KCNQ1: variants seen among roughly 807,000 people sequenced by gnomAD.
KCNQ1 encodes potassium voltage-gated channel subfamily Q member 1.
Under a neutral mutation model 72.4 loss-of-function variants are expected in KCNQ1, and 49 were observed. The ratio of observed to expected loss-of-function variants is 0.68; its 90% CI spans 0.54 to 0.86. The LOEUF (loss-of-function observed/expected upper bound fraction) is 0.86. Ranked by LOEUF, KCNQ1 falls within the 40% of genes least tolerant of loss-of-function variation. The pLI, the probability that KCNQ1 is intolerant of heterozygous loss-of-function variation, is 0.00. For missense variants in KCNQ1, 790 were observed against 945.1 expected (o/e 0.84, Z 2.15); for synonymous variants, 450 against 412.6 (o/e 1.09, Z -1.10).
intron 1 of KCNQ1, among the ~76,000 whole-genome samples, chr11:2,489,425 C>T (rs539532658): frequency 1.3e-4 from 20 of 152,172 alleles, no homozygotes; most frequent in East Asian, 3.9e-4. Context: ...CTTGCCACCA[C>T]GGGCTAAAGT....
At position 2,652,437 on chromosome 11, in the gene KCNQ1, CT is replaced by C. The variant is rs1849772015; in HGVS notation, c.1394-9518del. ...AATTTTGTCTTGAAAATCAAGGCCA[CT>C]TTTTTGTTTTCTCCATCCAAAGACC... is the stretch of plus-strand genomic sequence containing the variant. On this transcript the variant is annotated intron_variant, in intron 10 of 15. Coordinates refer to ENST00000155840, the MANE Select transcript of KCNQ1 (RefSeq NM_000218.3). This position sits in a 1 kb window ranked among gnomAD's most constrained non-coding sequence, Gnocchi z 5.9. The C allele has an allele frequency of 2.5e-6, 1 of 398,582 alleles. No homozygotes were observed. The highest frequency in any genetic ancestry group is 4.4e-6 in the Non-Finnish European group (1 of 226,046). 24.7% of individuals were successfully genotyped at this position (398,582 alleles called of 1,614,324 possible).
Position 2,671,262 on chromosome 11 carries a change from A to T in KCNQ1, c.1514+9181A>T. The T allele has an allele frequency of 5.0e-6, 2 of 398,630 alleles. No individual in the cohort carries two copies. The highest frequency in any genetic ancestry group is 8.8e-6 in the Non-Finnish European group (2 of 226,082). The allele number at this position is 398,630 out of a possible 1,614,324, so 24.7% of individuals were successfully genotyped here. ...GACCTCAAAATCCGATGTCCCCACC[A>T]TCCCCAGCCCCTTAGCCTCTGATCT... On this transcript the variant is annotated intron_variant, in intron 11 of 15. Coordinates refer to ENST00000155840, the MANE Select transcript of KCNQ1 (RefSeq NM_000218.3). This position sits in a 1 kb window ranked among gnomAD's most constrained non-coding sequence, Gnocchi z 4.7.
intron 1 of KCNQ1, among the ~76,000 whole-genome samples, chr11:2,455,576 A>G (rs916805447): frequency 6.6e-6 from 1 of 152,270 alleles, no homozygotes; most frequent in Non-Finnish European, 1.5e-5. Context: ...GATGACAGAA[A>G]TGGAAAAACA....
intron 8 of KCNQ1, among the ~76,000 whole-genome samples, chr11:2,586,260 C>T (rs1007079746): frequency 1.3e-5 from 2 of 152,230 alleles, no homozygotes; most frequent in Admixed American, 1.3e-4. Flanking sequence ...TCCTCGTGAG[C>T]TCGCTGCCCC....
At chr11:2,838,318 C>T (rs868862789) in intron 15 of KCNQ1, among the ~76,000 whole-genome samples, 1 of 152,070 alleles carries the variant, frequency 6.6e-6, no homozygotes, top group Non-Finnish European at 1.5e-5. Context: ...AAGAAGGAAG[C>T]AGGCTTGGGG....
Position 2,676,192 on chromosome 11 carries a change from C to A in KCNQ1, c.1514+14111C>A, listed in dbSNP as rs1054852638. 10 of 398,652 alleles carry A rather than the reference C, an allele frequency of 2.5e-5. No homozygotes were observed. In the Admixed American group the frequency reaches 3.1e-4, roughly 12 times the overall value. The allele number at this position is 398,652 out of a possible 1,614,324, so 24.7% of individuals were successfully genotyped here. On this transcript the variant is annotated intron_variant, in intron 11 of 15. Transcript: ENST00000155840. The surrounding 1 kb of genome is among the most constrained non-coding windows in gnomAD (Gnocchi z 4.2). ...GCCTTTGACTTCTTCCATAGGTATG[C>A]CATACTTCTTTTTGAGCTGTACATA... is the stretch of plus-strand genomic sequence containing the variant.
At chr11:2,637,727 C>T (rs1376444516) in intron 10 of KCNQ1, 2 of 152,182 alleles carry the variant, frequency 1.3e-5, no homozygotes, top group Non-Finnish European at 2.9e-5. Context: ...GAGTTCAATT[C>T]CTGGATATCC....
rs1846555355 is a variant in KCNQ1, at chr11:2,475,387, T to C, written c.386+29903T>C. On this transcript the variant is annotated intron_variant, in intron 1 of 15. Transcript: ENST00000155840. This position sits in a 1 kb window ranked among gnomAD's most constrained non-coding sequence, Gnocchi z 5.8. Reference sequence around the variant, plus strand: ...ACGTGCAGCTGTCTCTGCCTTTGGCTGTTGTGGCTAGAGGCTCCTTCCTGA... The same window carrying C: ...ACGTGCAGCTGTCTCTGCCTTTGGCCGTTGTGGCTAGAGGCTCCTTCCTGA... Among the ~76,000 whole-genome samples the C allele has an allele frequency of 6.6e-6, 1 of 152,202 alleles. No individual in the cohort carries two copies. Among genetic ancestry groups the C allele is most frequent in the African/African-American group, 2.4e-5 (1 of 41,446 alleles).
intron 15 of KCNQ1, among the ~76,000 whole-genome samples, chr11:2,831,742 C>G (rs1564909435): frequency 7.0e-6 from 1 of 143,230 alleles, no homozygotes; most frequent in Non-Finnish European, 1.5e-5. Context: ...CCCTCCTCTG[C>G]CTCTCTCCGT....
intron 1 of KCNQ1, among the ~76,000 whole-genome samples, chr11:2,489,114 GC>G (rs1290887133): frequency 6.6e-6 from 1 of 152,204 alleles, no homozygotes; most frequent in African/African-American, 2.4e-5. Flanking sequence ...CACAGTATCT[GC>G]TTTTAACTTT....
At chr11:2,532,098 G>A (rs181598522) in intron 2 of KCNQ1, among the ~76,000 whole-genome samples, 82 of 152,260 alleles carry the variant, frequency 5.4e-4, no homozygotes, top group African/African-American at 1.9e-3. Flanking sequence ...CTCTTGTCAG[G>A]TTTCAGGCCT....
chr11:2,517,799 G>A (rs571799598), intron 1 of KCNQ1, among the ~76,000 whole-genome samples: 4 of 152,298 alleles, frequency 2.6e-5, no homozygotes, highest in South Asian at 2.1e-4. Flanking sequence ...CGCAGCTCAC[G>A]TCAGAGCCCA....
chr11:2,460,316 G>A (rs1395706613), intron 1 of KCNQ1, among the ~76,000 whole-genome samples: 2 of 152,218 alleles, frequency 1.3e-5, no homozygotes, highest in African/African-American at 4.8e-5. Flanking sequence ...CAGATACTGC[G>A]CCCATATCCC....
chr11:2,561,029 C>T (rs966371367), intron 2 of KCNQ1, among the ~76,000 whole-genome samples: 5 of 151,448 alleles, frequency 3.3e-5, no homozygotes, highest in South Asian at 2.1e-4. Context: ...GGTGAAACCC[C>T]GTCTCTACTA....
At position 2,601,589 on chromosome 11, in the gene KCNQ1, A is replaced by C. The variant is rs1178599213; in HGVS notation, c.1393+12735A>C. Among the ~76,000 whole-genome samples, 1 of 151,988 alleles carries C rather than the reference A, an allele frequency of 6.6e-6. No individual in the cohort carries two copies. Among genetic ancestry groups the C allele is most frequent in the Non-Finnish European group, 1.5e-5 (1 of 67,992 alleles). Reference sequence around the variant, plus strand: ...GACTTTCTCCCATCCCATCCCTCCAATCCCTGGTGACCACTCATCTGTTCT... The same window carrying C: ...GACTTTCTCCCATCCCATCCCTCCACTCCCTGGTGACCACTCATCTGTTCT... On this transcript the variant is annotated intron_variant, in intron 10 of 15. Coordinates refer to ENST00000155840, the MANE Select transcript of KCNQ1 (RefSeq NM_000218.3). The surrounding 1 kb of genome is among the most constrained non-coding windows in gnomAD (Gnocchi z 5.2).
Position 2,767,172 on chromosome 11 carries a change from G to A in KCNQ1, c.1515-1672G>A, listed in dbSNP as rs1190187074. The stretch of plus-strand genomic sequence containing the variant: ...ATAGAGCGAGACTCCATCTATATGT[G>A]TGTGTGTGTGTGTATTTTTTTTTTT... On this transcript the variant is annotated intron_variant, in intron 11 of 15. Transcript: ENST00000155840. The surrounding 1 kb of genome is among the most constrained non-coding windows in gnomAD (Gnocchi z 4.6). 6.6e-6 allele frequency among the ~76,000 whole-genome samples: 1 copy of A among 150,790 alleles called. No individual in the cohort carries two copies. The highest frequency in any genetic ancestry group is 1.5e-5 in the Non-Finnish European group (1 of 67,980).
chr11:2,559,148 T>A lies in KCNQ1; in HGVS notation c.478-11480T>A, dbSNP rs1848119917. Reference sequence around the variant, plus strand: ...GGAGGTTTTGCTCAAGGAGTGTCCCTTGAGCAAAATATTGCACTTTCGTTG... The same window carrying A: ...GGAGGTTTTGCTCAAGGAGTGTCCCATGAGCAAAATATTGCACTTTCGTTG... On this transcript the variant is annotated intron_variant, in intron 2 of 15. Coordinates refer to ENST00000155840, the MANE Select transcript of KCNQ1 (RefSeq NM_000218.3). This position sits in a 1 kb window ranked among gnomAD's most constrained non-coding sequence, Gnocchi z 4.9. Among the ~76,000 whole-genome samples, 1 of 152,064 alleles carries A rather than the reference T, an allele frequency of 6.6e-6. No individual in the cohort carries two copies. The highest frequency in any genetic ancestry group is 1.5e-5 in the Non-Finnish European group (1 of 67,978).
chr11:2,835,839 T>A (rs1234934035), intron 15 of KCNQ1, among the ~76,000 whole-genome samples: 1 of 152,106 alleles, frequency 6.6e-6, no homozygotes, highest in African/African-American at 2.4e-5. Context: ...GCCTGCAGTG[T>A]CCAGGAGCGA....
Position 2,655,517 on chromosome 11 carries a change from C to T in KCNQ1, c.1394-6444C>T, listed in dbSNP as rs1001875745. ...TCCAGATGAACTGCCCTTTCAAGTA[C>T]ACCATGGGCTCAACCTTCTCTGCAG... On this transcript the variant is annotated intron_variant, in intron 10 of 15. Coordinates refer to ENST00000155840, the MANE Select transcript of KCNQ1 (RefSeq NM_000218.3). The T allele has an allele frequency of 1.5e-5, 6 of 398,608 alleles. No homozygotes were observed. In the Admixed American group the frequency reaches 1.8e-4, roughly 12 times the overall value. The allele number at this position is 398,608 out of a possible 1,614,324, so 24.7% of individuals were successfully genotyped here. A position where few individuals can be genotyped will look rare whatever the true frequency, so the allele number is the denominator to read the frequency against.
Sources: allele counts gnomAD v4.1 joint callset (sites outside exome capture counted in the v4.1 genomes callset), GRCh38; gene constraint gnomAD v4.1.1; non-coding constraint Gnocchi (gnomAD v3.1); transcripts MANE v1.5; gene names NCBI Gene and HGNC (gene_info 2026-07-23, HGNC 2026-07-21).